Variants in ARHGAP26 observed in about 807,000 individuals in gnomAD.
ARHGAP26 encodes rho GTPase-activating protein 26.
A neutral mutation model predicts 104.8 loss-of-function variants in ARHGAP26; 38 were observed. That is an observed-to-expected ratio of 0.36 (90% CI 0.28 to 0.48). The LOEUF is 0.48. Among genes scored for constraint, ARHGAP26 ranks in the 20% least tolerant of loss-of-function variants. The pLI, the probability that ARHGAP26 is intolerant of heterozygous loss-of-function variation, is 0.99. For missense variants in ARHGAP26, 704 were observed against 947.9 expected, an observed-to-expected ratio of 0.74 and a Z score of 3.38; for synonymous variants, 341 against 340.0, an observed-to-expected ratio of 1.00 and a Z score of -0.03.
rs1217350223 is a variant in ARHGAP26, at chr5:142,963,198, A to ATGTGTGTGTGTGTGTGTGTGTGTGTG, written c.1107+31095_1107+31096insTGTGTGTGTGTGTGTGTGTGTGTGTG. Among the ~76,000 whole-genome samples the ATGTGTGTGTGTGTGTGTGTGTGTGTG allele has an allele frequency of 1.7e-4, 17 of 98,324 alleles. 1 individual carries two copies. Among genetic ancestry groups the ATGTGTGTGTGTGTGTGTGTGTGTGTG allele is most frequent in the Middle Eastern group, 4.8e-3 (1 of 208 alleles). 64.5% of individuals were successfully genotyped at this position (98,324 alleles called of 152,430 possible). On this transcript the variant is annotated intron_variant, in intron 11 of 22. Coordinates refer to ENST00000645722, the MANE Select transcript of ARHGAP26 (RefSeq NM_001135608.3). ...TATATATATATATATATATATATAT[A>ATGTGTGTGTGTGTGTGTGTGTGTGTG]TGTGTGTGTGTGTGTGTGTGTGCGC...
At chr5:142,982,899 G>A (rs1357138107) in intron 11 of ARHGAP26, among the ~76,000 whole-genome samples, 1 of 152,178 alleles carries the variant, frequency 6.6e-6, no homozygotes, top group East Asian at 1.9e-4. Context: ...CTTTCCCTGT[G>A]TGTTGTCCTG....
intron 1 of ARHGAP26, among the ~76,000 whole-genome samples, chr5:142,850,456 C>T (rs777561054): frequency 3.9e-5 from 6 of 152,112 alleles, no homozygotes; most frequent in Non-Finnish European, 5.9e-5. Context: ...CAACAAAACA[C>T]ACAAAAAAAC....
chr5:142,946,409 T>TGTGGGA (rs1289976335), intron 11 of ARHGAP26, among the ~76,000 whole-genome samples: 1 of 152,198 alleles, frequency 6.6e-6, no homozygotes, highest in Non-Finnish European at 1.5e-5. Flanking sequence ...GGCAGTGATT[T>TGTGGGA]GTGGGAGTGG....
At position 143,147,368 on chromosome 5, in the gene ARHGAP26, C is replaced by G; in HGVS notation, c.1975C>G (p.Arg659Gly). 3 of 1,613,332 alleles carry G rather than the reference C, an allele frequency of 1.9e-6. No individual in the cohort carries two copies. Among genetic ancestry groups the G allele is most frequent in the Non-Finnish European group, 2.5e-6 (3 of 1,179,622 alleles). ...DPDLAVVKPT[R>G]PNSLPPNPSP... ...AGACCTGGCTGTGGTCAAACCCACC[C>G]GGCCCAACTCACTGTAAGTATGATG... The change falls in exon 20 of 23, where the codon CGG becomes GGG. Residue 659 changes from arginine to glycine, a missense_variant. Arg to Gly is a moderately radical substitution (Grantham distance 125). Transcript: ENST00000645722.
At chr5:142,963,665 G>A (rs1254862889) in intron 11 of ARHGAP26, among the ~76,000 whole-genome samples, 1 of 152,120 alleles carries the variant, frequency 6.6e-6, no homozygotes, top group Non-Finnish European at 1.5e-5. Flanking sequence ...TCTCAGAGAG[G>A]TGATTACTCC....
chr5:142,960,057 A>G (rs905552285), intron 11 of ARHGAP26, among the ~76,000 whole-genome samples: 1 of 152,282 alleles, frequency 6.6e-6, no homozygotes, highest in African/African-American at 2.4e-5. Flanking sequence ...TTGAATAGAA[A>G]AGACAGAGTC....
chr5:143,093,612 C>A (rs1407091990), intron 17 of ARHGAP26, among the ~76,000 whole-genome samples: 1 of 151,788 alleles, frequency 6.6e-6, no homozygotes, highest in African/African-American at 2.4e-5. Flanking sequence ...TTGACTCCAT[C>A]TTTGTCTCCT....
rs563761287 is a variant in ARHGAP26 at position 142,810,811 on chromosome 5, C to T, written c.154+39896C>T. Among the ~76,000 whole-genome samples, 5 of 152,302 alleles carry T rather than the reference C, an allele frequency of 3.3e-5. No individual in the cohort carries two copies. The South Asian group carries it at 6.2e-4, about 19-fold the overall frequency. On this transcript the variant is annotated intron_variant, in intron 1 of 22. Transcript: ENST00000645722. ...TTTAATAAAGAACAAGTATAATTCG[C>T]CCAAAATAGTAAGTAACCATAAGCG...
At chr5:143,204,262 C>T (rs977715769) in intron 20 of ARHGAP26, among the ~76,000 whole-genome samples, 45 of 152,104 alleles carry the variant, frequency 3.0e-4, no homozygotes, top group African/African-American at 1.0e-3. Flanking sequence ...GTGGCTCATG[C>T]CTGTAATTCC....
intron 12 of ARHGAP26, among the ~76,000 whole-genome samples, chr5:143,018,040 T>G (rs1031039278): frequency 4.6e-5 from 7 of 152,252 alleles, no homozygotes; most frequent in Non-Finnish European, 1.0e-4. Flanking sequence ...GCCAGTCTGA[T>G]AGGTGTAAAA....
chr5:142,787,972 T>C (rs909939151), intron 1 of ARHGAP26, among the ~76,000 whole-genome samples: 7 of 151,562 alleles, frequency 4.6e-5, no homozygotes, highest in African/African-American at 1.5e-4. Flanking sequence ...TCTCTCTCTT[T>C]TGTCCATGAT....
chr5:143,218,928 T>C (rs1442562153), intron 22 of ARHGAP26, among the ~76,000 whole-genome samples: 1 of 152,250 alleles, frequency 6.6e-6, no homozygotes, highest in African/African-American at 2.4e-5. Context: ...TTGGCCAAGA[T>C]GCTTAACTTT....
intron 20 of ARHGAP26, among the ~76,000 whole-genome samples, chr5:143,199,894 C>A (rs1398673614): frequency 6.6e-6 from 1 of 152,194 alleles, no homozygotes; most frequent in Non-Finnish European, 1.5e-5. Context: ...AGCTACAAAT[C>A]CACTACTTTC....
intron 22 of ARHGAP26, among the ~76,000 whole-genome samples, chr5:143,218,240 C>A (rs1457836985): frequency 1.3e-5 from 2 of 152,136 alleles, no homozygotes; most frequent in African/African-American, 4.8e-5. Flanking sequence ...AGCTTTTTCC[C>A]GTCACAGGGC....
chr5:143,100,600 G>A (rs1031858398), intron 17 of ARHGAP26, among the ~76,000 whole-genome samples: 5 of 152,366 alleles, frequency 3.3e-5, no homozygotes, highest in South Asian at 2.1e-4. Context: ...TTTGGGAAGC[G>A]TAGCTTCCTT....
intron 18 of ARHGAP26, 43 bp downstream of exon 18, chr5:143,121,190 G>A (rs769396627): frequency 3.2e-6 from 5 of 1,586,192 alleles, no homozygotes; most frequent in Admixed American, 1.7e-5. Flanking sequence ...TGTACCTGGG[G>A]GGAAGCTGCA....
chr5:142,810,203 G>A (rs1190368907), intron 1 of ARHGAP26, among the ~76,000 whole-genome samples: 2 of 152,120 alleles, frequency 1.3e-5, no homozygotes, highest in Admixed American at 1.3e-4. Context: ...ACAGAGGGAG[G>A]GGTTCTTGGC....
intron 9 of ARHGAP26, chr5:142,908,779 G>A (rs1344043929): frequency 6.0e-6 from 1 of 167,170 alleles, no homozygotes; most frequent in African/African-American, 2.4e-5. Flanking sequence ...GGAAGAGACA[G>A]TTGGGCACAT....
At chr5:143,165,474 T>C (rs1358472755) in intron 20 of ARHGAP26, 1 of 152,250 alleles carries the variant, frequency 6.6e-6, no homozygotes, top group African/African-American at 2.4e-5. Flanking sequence ...TCTTCAGTCT[T>C]CCACAGTATT....
Sources: allele counts gnomAD v4.1 joint callset (sites outside exome capture counted in the v4.1 genomes callset), GRCh38; gene constraint gnomAD v4.1.1; transcripts MANE v1.5; gene names NCBI Gene and HGNC (gene_info 2026-07-23, HGNC 2026-07-21).